Variants in ZDHHC20 observed in about 807,000 individuals in gnomAD.
ZDHHC20 encodes the protein zDHHC palmitoyltransferase 20.
ZDHHC20 carries 43 observed loss-of-function variants against 57.8 expected under a neutral mutation model. That is an observed-to-expected ratio of 0.74 (90% confidence interval 0.58 to 0.96). ZDHHC20 has a LOEUF of 0.96. Ranked by LOEUF, ZDHHC20 falls within the 40% of genes least tolerant of loss-of-function variation. The probability of loss-of-function intolerance (pLI) is 0.00; values close to 1 mark genes in which losing one functional copy is unlikely to be tolerated. For synonymous variants in ZDHHC20, 157 were observed against 153.0 expected (o/e 1.03, Z -0.19); for missense variants, 391 against 441.1 (o/e 0.89, Z 1.02).
At chr13:21,451,322 C>T (rs907658021) in intron 1 of ZDHHC20, among the ~76,000 whole-genome samples, 3 of 151,978 alleles carry the variant, frequency 2.0e-5, no homozygotes, top group Admixed American at 6.6e-5. Flanking sequence ...CATTCAAACA[C>T]GATTCAAGTG....
intron 1 of ZDHHC20, among the ~76,000 whole-genome samples, chr13:21,454,091 C>T (rs1431477942): frequency 5.9e-5 from 9 of 152,142 alleles, no homozygotes; most frequent in African/African-American, 1.7e-4. Flanking sequence ...TTTGGGAGGC[C>T]GAGGTGGGTG....
chr13:21,452,099 T>C (rs929598142), intron 1 of ZDHHC20, among the ~76,000 whole-genome samples: 10 of 152,212 alleles, frequency 6.6e-5, no homozygotes, highest in African/African-American at 2.4e-4. Context: ...TCTTCCAATT[T>C]TAGTATATGT....
chr13:21,403,100 G>GA, intron 4 of ZDHHC20, among the ~76,000 whole-genome samples: 1 of 152,126 alleles, frequency 6.6e-6, no homozygotes, highest in Non-Finnish European at 1.5e-5. Flanking sequence ...ATGAAAAGTA[G>GA]ATGCAAAGCA....
intron 10 of ZDHHC20, among the ~76,000 whole-genome samples, chr13:21,382,371 T>A (rs1013407818): frequency 1.2e-4 from 18 of 152,210 alleles, no homozygotes; most frequent in Non-Finnish European, 2.6e-4. Flanking sequence ...GACAGAAGTA[T>A]CTCTAGCTTC....
At position 21,381,473 on chromosome 13, in the gene ZDHHC20, A is replaced by G. The variant is rs1873404846; in HGVS notation, c.1021T>C (p.Trp341Arg). 6.2e-7 allele frequency: 1 copy of G among 1,613,898 alleles called. No homozygotes were observed. The highest frequency in any genetic ancestry group is 8.5e-7 in the Non-Finnish European group (1 of 1,179,866). ...KNRLLDSESQ[W>R]LENGAEEGIV... Reference sequence around the variant, plus strand: ...CCTTCTTCAGCTCCATTCTCCAGCCACTGAGATTCACTGTCCAACAAGCGG... The same window carrying G: ...CCTTCTTCAGCTCCATTCTCCAGCCGCTGAGATTCACTGTCCAACAAGCGG... Residue 341 changes from tryptophan to arginine, a missense_variant, in exon 11 of 13, where the codon TGG becomes CGG. Trp to Arg is a moderately radical substitution (Grantham distance 101, BLOSUM62 -3). Around this residue, in one of 3 missense-constraint regions of ZDHHC20, gnomAD observed 197 missense variants for 220.8 expected, o/e 0.89. Transcript: ENST00000400590.
intron 1 of ZDHHC20, among the ~76,000 whole-genome samples, chr13:21,457,132 C>A (rs1884994596): frequency 6.6e-6 from 1 of 152,194 alleles, no homozygotes; most frequent in Non-Finnish European, 1.5e-5. Flanking sequence ...ATTTCTCCTT[C>A]TTTATTTGAA....
intron 9 of ZDHHC20, among the ~76,000 whole-genome samples, chr13:21,384,538 G>A (rs144401631): frequency 6.0e-5 from 9 of 149,250 alleles, no homozygotes; most frequent in Admixed American, 4.7e-4. Context: ...AAGATATGCA[G>A]AGAAATGGCT....
intron 1 of ZDHHC20, among the ~76,000 whole-genome samples, chr13:21,438,812 T>C (rs891044675): frequency 6.6e-6 from 1 of 152,148 alleles, no homozygotes; most frequent in African/African-American, 2.4e-5. Flanking sequence ...TTCGTTCTTG[T>C]CGTTTTGAGA....
chr13:21,414,828 C>T (rs147000112), intron 3 of ZDHHC20, among the ~76,000 whole-genome samples: 2 of 151,904 alleles, frequency 1.3e-5, no homozygotes, highest in African/African-American at 2.4e-5. Flanking sequence ...CTAAGTTTTA[C>T]ACCTTAATTT....
In ZDHHC20 at chr13:21,415,080, T is replaced by C. The variant is rs572027690; in HGVS notation, c.250-1308A>G. Among the ~76,000 whole-genome samples, 24 of 152,350 alleles carry C rather than the reference T, an allele frequency of 1.6e-4. No homozygotes were observed. The East Asian group carries it at 4.2e-3, about 27-fold the overall frequency. On this transcript the variant is annotated intron_variant, in intron 3 of 12. Coordinates refer to ENST00000400590, the MANE Select transcript of ZDHHC20 (RefSeq NM_001330059.2). ...ATACCAAAATGTCTCCTCCTCTTGC[T>C]GCCCCATCATTGCTAATGGTATTAG...
At chr13:21,403,015 C>T in intron 4 of ZDHHC20, 149 bp from the exon 5 acceptor site, 1 of 602,522 alleles carries the variant, frequency 1.7e-6, no homozygotes, top group Admixed American at 2.9e-5. Context: ...ATGTATTATA[C>T]TAGAGAGCTT....
At chr13:21,408,442 T>C (rs1004742727) in intron 4 of ZDHHC20, among the ~76,000 whole-genome samples, 3 of 152,212 alleles carry the variant, frequency 2.0e-5, no homozygotes, top group African/African-American at 7.2e-5. Flanking sequence ...ATAGGAATGC[T>C]TGTGATTTTT....
At chr13:21,426,226 CTTGTATTACTA>C (rs933992155) in intron 1 of ZDHHC20, among the ~76,000 whole-genome samples, 3 of 152,178 alleles carry the variant, frequency 2.0e-5, no homozygotes, top group African/African-American at 7.2e-5. Context: ...TTTCTTCCAC[CTTGTATTACTA>C]TTGTGATGAA....
rs376077269 is a variant in ZDHHC20 at position 21,406,892 on chromosome 13, T to C, written c.371-4026A>G. On this transcript the variant is annotated intron_variant, in intron 4 of 12. Transcript: ENST00000400590. ...AATGATTTATAATCCTTTGGGTATA[T>C]ACCCAGTAATAGGATTGCTGGGTCA... Among the ~76,000 whole-genome samples the C allele has an allele frequency of 3.3e-5, 5 of 152,348 alleles. No homozygotes were observed. The East Asian group carries it at 5.8e-4, about 18-fold the overall frequency.
chr13:21,393,108 T>C (rs1277851752), intron 7 of ZDHHC20, among the ~76,000 whole-genome samples: 6 of 152,038 alleles, frequency 3.9e-5, no homozygotes, highest in Admixed American at 3.9e-4. Context: ...CTAATGGCCA[T>C]CTATAACATT....
At chr13:21,399,899 A>G (rs899755033) in intron 7 of ZDHHC20, among the ~76,000 whole-genome samples, 2 of 152,080 alleles carry the variant, frequency 1.3e-5, no homozygotes, top group African/African-American at 4.8e-5. Context: ...TCATAGTTTC[A>G]GGGGACCTCA....
chr13:21,379,255 G>A (rs879551429), intron 11 of ZDHHC20, among the ~76,000 whole-genome samples: 1 of 151,986 alleles, frequency 6.6e-6, no homozygotes, highest in Non-Finnish European at 1.5e-5. Flanking sequence ...TAGTACAAAT[G>A]GAGCTAAATG....
intron 4 of ZDHHC20, among the ~76,000 whole-genome samples, chr13:21,406,020 G>C (rs545969580): frequency 5.9e-5 from 9 of 152,264 alleles, no homozygotes; most frequent in African/African-American, 2.2e-4. Flanking sequence ...AAACCACTAA[G>C]GACTGAGTGG....
At chr13:21,425,507 A>G in intron 2 of ZDHHC20, 145 bp downstream of exon 2, 1 of 528,458 alleles carries the variant, frequency 1.9e-6, no homozygotes, top group Non-Finnish European at 3.0e-6. Context: ...CCATTACTAG[A>G]TCTCCTTTTA....
Sources: gnomAD v4.1 joint callset for allele counts (sites outside exome capture counted in the v4.1 genomes callset) on GRCh38, gnomAD v4.1.1 for gene constraint, gnomAD v4.1.1 regional missense constraint, MANE v1.5 for transcripts, NCBI Gene and HGNC (gene_info 2026-07-23, HGNC 2026-07-21) for gene names.